GRID2: variants seen among roughly 807,000 people sequenced by gnomAD.
GRID2 encodes glutamate receptor ionotropic, delta-2.
Under a neutral mutation model 114.8 loss-of-function variants are expected in GRID2, and 33 were observed. That is an observed-to-expected ratio of 0.29 (90% CI 0.22 to 0.38). The LOEUF (loss-of-function observed/expected upper bound fraction) is 0.38, where lower values mean the gene tolerates loss of function less well. GRID2 is among the 10% of genes least tolerant of loss of function. The probability of loss-of-function intolerance (pLI) is 1.00; values close to 1 mark genes in which losing one functional copy is unlikely to be tolerated. For missense variants in GRID2, 1,184 were observed against 1,257.7 expected, an observed-to-expected ratio of 0.94 and a Z score of 0.89; for synonymous variants, 505 against 449.9, an observed-to-expected ratio of 1.12 and a Z score of -1.55.
At chr4:93,680,560 C>T (rs1725415802) in intron 14 of GRID2, among the ~76,000 whole-genome samples, 1 of 151,566 alleles carries the variant, frequency 6.6e-6, no homozygotes, top group South Asian at 2.1e-4. Context: ...TCCAGCAGCA[C>T]ATCAAAAAGC....
chr4:92,551,159 C>T (rs1041704448), intron 1 of GRID2, among the ~76,000 whole-genome samples: 4 of 151,890 alleles, frequency 2.6e-5, no homozygotes, highest in African/African-American at 7.3e-5. Context: ...TGATGACATC[C>T]ACAGAGGCTA....
At position 92,713,958 on chromosome 4, in the gene GRID2, C is replaced by T. The variant is rs538367387; in HGVS notation, c.244+123672C>T. Among the ~76,000 whole-genome samples the T allele has an allele frequency of 1.1e-3, 161 of 152,176 alleles. 1 individual carries two copies. The highest frequency in any genetic ancestry group is 3.7e-3 in the African/African-American group (154 of 41,534). ...AATCTCATGTCTTCACATTTCAAAA[C>T]CAATCATGCCTTCCCAACAGTCCCC... On this transcript the variant is annotated intron_variant, in intron 2 of 15. Coordinates refer to ENST00000282020, the MANE Select transcript of GRID2 (RefSeq NM_001510.4).
At chr4:92,312,737 G>A (rs1240414202) in intron 1 of GRID2, among the ~76,000 whole-genome samples, 3 of 152,010 alleles carry the variant, frequency 2.0e-5, no homozygotes, top group African/African-American at 7.2e-5. Flanking sequence ...ATATATCATT[G>A]TAAATATAGA....
intron 13 of GRID2, among the ~76,000 whole-genome samples, chr4:93,550,122 G>A (rs1158514959): frequency 6.6e-6 from 1 of 151,720 alleles, no homozygotes; most frequent in African/African-American, 2.4e-5. Flanking sequence ...TTTATTTTTA[G>A]AGACAGGGGT....
intron 14 of GRID2, among the ~76,000 whole-genome samples, chr4:93,653,171 A>G (rs1301716743): frequency 2.6e-5 from 4 of 152,214 alleles, no homozygotes; most frequent in Middle Eastern, 3.4e-3. Flanking sequence ...AAATGGGGGG[A>G]AAAAGTTTGG....
At chr4:92,848,267 C>T (rs1246723410) in intron 2 of GRID2, among the ~76,000 whole-genome samples, 2 of 150,654 alleles carry the variant, frequency 1.3e-5, no homozygotes, top group Non-Finnish European at 3.0e-5. Context: ...TTTACCAGCA[C>T]TCAACTAGTT....
chr4:92,426,111 A>G (rs1272768910), intron 1 of GRID2, among the ~76,000 whole-genome samples: 1 of 152,084 alleles, frequency 6.6e-6, no homozygotes, highest in African/African-American at 2.4e-5. Flanking sequence ...CAGGCTTTCT[A>G]TGGTAACTTG....
intron 1 of GRID2, among the ~76,000 whole-genome samples, chr4:93,802,395 AGT>A (rs943563612): frequency 9.9e-5 from 15 of 150,830 alleles, no homozygotes; most frequent in African/African-American, 2.2e-4. Context: ...TGTGTGTGTG[AGT>A]GTGTGTGTGT....
At chr4:92,309,239 T>G (rs1465430287) in intron 1 of GRID2, among the ~76,000 whole-genome samples, 1 of 152,054 alleles carries the variant, frequency 6.6e-6, no homozygotes, top group East Asian at 1.9e-4. Context: ...GCTAATTTTA[T>G]CATATGGTAA....
chr4:93,723,368 A>G (rs1469521288), intron 14 of GRID2, among the ~76,000 whole-genome samples: 1 of 152,268 alleles, frequency 6.6e-6, no homozygotes, highest in Non-Finnish European at 1.5e-5. Context: ...ATTATATTGC[A>G]AATATTAAAC....
chr4:93,524,844 T>A (rs1730722823), intron 13 of GRID2, among the ~76,000 whole-genome samples: 1 of 121,082 alleles, frequency 8.3e-6, no homozygotes, highest in Non-Finnish European at 1.7e-5. Flanking sequence ...TATATATATA[T>A]ATATATGTAT....
intron 11 of GRID2, among the ~76,000 whole-genome samples, chr4:93,476,561 T>C (rs987796494): frequency 6.6e-6 from 1 of 152,180 alleles, no homozygotes; most frequent in African/African-American, 2.4e-5. Flanking sequence ...CTAGCATATC[T>C]AAAGCCAAAC....
chr4:93,132,397 G>A (rs1247404273), intron 4 of GRID2, among the ~76,000 whole-genome samples: 3 of 152,142 alleles, frequency 2.0e-5, no homozygotes, highest in Non-Finnish European at 4.4e-5. Context: ...CAAAGATCTA[G>A]GGAACTGTAC....
intron 2 of GRID2, among the ~76,000 whole-genome samples, chr4:93,015,052 T>A (rs190684485): frequency 2.0e-5 from 3 of 152,286 alleles, no homozygotes; most frequent in Non-Finnish European, 4.4e-5. Flanking sequence ...CAGAATTTGT[T>A]AAATGCTTAA....
chr4:93,336,852 T>C (rs1759142484), intron 8 of GRID2, among the ~76,000 whole-genome samples: 1 of 152,102 alleles, frequency 6.6e-6, no homozygotes, highest in Admixed American at 6.5e-5. Flanking sequence ...TTTCTATTTC[T>C]TTGTTTGGTT....
At chr4:93,616,431 C>T (rs764755468) in intron 13 of GRID2, among the ~76,000 whole-genome samples, 8 of 151,322 alleles carry the variant, frequency 5.3e-5, no homozygotes, top group Non-Finnish European at 1.2e-4. Flanking sequence ...CCTGTAGTCC[C>T]AGCTACTCAG....
At chr4:93,400,970 G>T (rs1435106067) in intron 9 of GRID2, among the ~76,000 whole-genome samples, 1 of 151,948 alleles carries the variant, frequency 6.6e-6, no homozygotes, top group African/African-American at 2.4e-5. Context: ...CTGAGTAGCT[G>T]GGACTACAGG....
chr4:93,665,617 G>A (rs1157218718), intron 14 of GRID2, among the ~76,000 whole-genome samples: 1 of 152,180 alleles, frequency 6.6e-6, no homozygotes, highest in East Asian at 1.9e-4. Flanking sequence ...AGGTGCTGAT[G>A]ATGTGCTTTA....
At chr4:92,363,681 C>T (rs1344414281) in intron 1 of GRID2, among the ~76,000 whole-genome samples, 1 of 151,812 alleles carries the variant, frequency 6.6e-6, no homozygotes, top group East Asian at 1.9e-4. Flanking sequence ...ATTGAAATAA[C>T]ATACTATGTT....
Sources: allele counts gnomAD v4.1 joint callset (sites outside exome capture counted in the v4.1 genomes callset), GRCh38; gene constraint gnomAD v4.1.1; transcripts MANE v1.5; gene names NCBI Gene and HGNC (gene_info 2026-07-23, HGNC 2026-07-21).